Variants in TOPAZ1 observed in about 807,000 individuals in gnomAD.
TOPAZ1 encodes testis and ovary specific TOPAZ 1, also known as protein TOPAZ1.
In TOPAZ1, 66 loss-of-function variants were observed where a neutral mutation model predicts 172.2. The observed-to-expected ratio is 0.38, with a 90% CI of 0.31 to 0.47. The LOEUF (loss-of-function observed/expected upper bound fraction) is 0.47. Among genes scored for constraint, TOPAZ1 ranks in the 20% least tolerant of loss-of-function variants. TOPAZ1 has a pLI of 0.99. For missense variants in TOPAZ1, 1,822 were observed against 1,972.4 expected (o/e 0.92, Z 1.44); for synonymous variants, 681 against 683.9 (o/e 1.00, Z 0.07).
intron 8 of TOPAZ1, among the ~76,000 whole-genome samples, chr3:44,279,099 G>C (rs2125689936): frequency 6.6e-6 from 1 of 152,174 alleles, no homozygotes; most frequent in Non-Finnish European, 1.5e-5. Context: ...GGTCATTCAG[G>C]AGCAGGTTGT....
chr3:44,287,900 CA>C (rs1700096890), intron 11 of TOPAZ1, 61 bp downstream of exon 11: 2 of 797,308 alleles, frequency 2.5e-6, no homozygotes, highest in South Asian at 3.6e-5. Context: ...TAATTGTTTC[CA>C]TGGGGGGGTA....
intron 4 of TOPAZ1, among the ~76,000 whole-genome samples, chr3:44,260,975 C>CT (rs377256274): frequency 9.5e-5 from 11 of 115,562 alleles, no homozygotes; most frequent in Admixed American, 1.8e-4. Context: ...AGATCTGTTT[C>CT]TTTTTTTTTG....
At chr3:44,249,269 G>A (rs1463407158) in intron 2 of TOPAZ1, among the ~76,000 whole-genome samples, 1 of 151,956 alleles carries the variant, frequency 6.6e-6, no homozygotes, top group Admixed American at 6.6e-5. Flanking sequence ...GGACTAATGT[G>A]TTTTAAACAA....
chr3:44,273,279 G>A (rs1699917568), intron 8 of TOPAZ1, among the ~76,000 whole-genome samples: 2 of 152,138 alleles, frequency 1.3e-5, no homozygotes, highest in Admixed American at 1.3e-4. Flanking sequence ...AACAAAGTTA[G>A]CAGGGACACA....
intron 8 of TOPAZ1, among the ~76,000 whole-genome samples, chr3:44,277,385 G>A (rs184138910): frequency 1.1e-3 from 164 of 152,230 alleles, no homozygotes; most frequent in African/African-American, 3.8e-3. Context: ...ACATCTAAGA[G>A]TTTTCTGGTG....
chr3:44,242,364 A>G lies in TOPAZ1; in HGVS notation c.311A>G (p.Lys104Arg). The G allele has an allele frequency of 1.9e-6, 3 of 1,552,412 alleles. No homozygotes were observed. The South Asian group carries it at 3.6e-5, about 18-fold the overall frequency. Residue 104 changes from lysine (K) to arginine (R), a missense_variant, in exon 1 of 20, where the codon AAG becomes AGG. Around this residue, in one of 2 missense-constraint regions of TOPAZ1, gnomAD observed 1,489 missense variants for 1,490.8 expected, o/e 1.00. Coordinates refer to ENST00000309765, the MANE Select transcript of TOPAZ1 (RefSeq NM_001145030.2). ...SSDPRGLEAAKEAELPLQTER... is the reference protein window; with the variant it reads ...SSDPRGLEAAREAELPLQTER... The stretch of plus-strand genomic sequence containing the variant: ...GACCCGCGAGGCCTAGAAGCAGCAA[A>G]GGAGGCTGAACTCCCCTTGCAAACG...
At chr3:44,320,233 A>G (rs751413260) in intron 16 of TOPAZ1, among the ~76,000 whole-genome samples, 2 of 152,152 alleles carry the variant, frequency 1.3e-5, no homozygotes, top group African/African-American at 4.8e-5. Flanking sequence ...CTTTTATAAC[A>G]TATATTATTC....
intron 12 of TOPAZ1, among the ~76,000 whole-genome samples, chr3:44,292,951 G>C (rs920271332): frequency 6.6e-6 from 1 of 152,056 alleles, no homozygotes; most frequent in Non-Finnish European, 1.5e-5. Flanking sequence ...TATACCCTCT[G>C]CCCCTTTCTG....
In TOPAZ1 at chr3:44,256,228, A is replaced by G. The variant is rs1699701754; in HGVS notation, c.2905A>G (p.Thr969Ala). 1 of 1,536,594 alleles carries G rather than the reference A, an allele frequency of 6.5e-7. No individual in the cohort carries two copies. The highest frequency in any genetic ancestry group is 8.7e-7 in the Non-Finnish European group (1 of 1,142,980). Residue 969 changes from threonine to alanine, a missense_variant, in exon 4 of 20, where the codon ACA (threonine) becomes GCA (alanine). Around this residue, in one of 2 missense-constraint regions of TOPAZ1, gnomAD observed 1,489 missense variants for 1,490.8 expected, o/e 1.00. Transcript: ENST00000309765. ...EVANETSENE[T>A]LGDFSEQIKG... ...TGCTAATGAGACCTCTGAAAATGAAACACTGGGAGACTTCAGTGAACAAAT... is the reference window on the plus strand; with the variant it reads ...TGCTAATGAGACCTCTGAAAATGAAGCACTGGGAGACTTCAGTGAACAAAT...
chr3:44,288,119 C>T (rs1465808841), intron 11 of TOPAZ1, among the ~76,000 whole-genome samples: 13 of 152,006 alleles, frequency 8.6e-5, no homozygotes, highest in Admixed American at 7.2e-4. Context: ...ATAAAATTTT[C>T]TTTCTCTAAA....
chr3:44,247,772 C>T (rs924434983), intron 2 of TOPAZ1, among the ~76,000 whole-genome samples: 1 of 152,180 alleles, frequency 6.6e-6, no homozygotes, highest in East Asian at 1.9e-4. Flanking sequence ...GCCCTGGCCT[C>T]CTGAGTAGCA....
intron 16 of TOPAZ1, among the ~76,000 whole-genome samples, chr3:44,312,606 C>G (rs903282147): frequency 1.3e-5 from 2 of 152,234 alleles, no homozygotes; most frequent in Non-Finnish European, 2.9e-5. Context: ...TGGCATTTCA[C>G]TTTGACATTT....
chr3:44,253,454 T>C (rs1285347992), intron 2 of TOPAZ1, among the ~76,000 whole-genome samples: 1 of 152,146 alleles, frequency 6.6e-6, no homozygotes, highest in East Asian at 1.9e-4. Context: ...AAGTGAATAT[T>C]GGTTCATCAG....
intron 14 of TOPAZ1, 32 bp downstream of exon 14, chr3:44,305,353 T>C (rs1054438095): frequency 6.7e-7 from 1 of 1,483,622 alleles, no homozygotes. Flanking sequence ...GAATATTGTG[T>C]ATGAGGATGG....
At chr3:44,253,391 A>G (rs2125679206) in intron 2 of TOPAZ1, among the ~76,000 whole-genome samples, 1 of 152,310 alleles carries the variant, frequency 6.6e-6, no homozygotes, top group African/African-American at 2.4e-5. Flanking sequence ...AATAAGCCAA[A>G]AGAACGTGGT....
intron 8 of TOPAZ1, among the ~76,000 whole-genome samples, chr3:44,272,249 T>C (rs1261742282): frequency 6.6e-6 from 1 of 152,222 alleles, no homozygotes; most frequent in Non-Finnish European, 1.5e-5. Context: ...TCAAATCTTT[T>C]GGGTAAATAC....
chr3:44,296,973 A>G (rs1350826269), intron 12 of TOPAZ1, among the ~76,000 whole-genome samples: 1 of 151,868 alleles, frequency 6.6e-6, no homozygotes, highest in Non-Finnish European at 1.5e-5. Context: ...GGAGTTTAAG[A>G]CCAACCTGAC....
intron 8 of TOPAZ1, among the ~76,000 whole-genome samples, chr3:44,273,672 T>C (rs941966901): frequency 1.3e-5 from 2 of 152,036 alleles, no homozygotes; most frequent in Non-Finnish European, 2.9e-5. Flanking sequence ...AAAACCCAGC[T>C]CAAAGCCACA....
At chr3:44,291,181 T>C (rs1700133223) in intron 12 of TOPAZ1, among the ~76,000 whole-genome samples, 1 of 152,196 alleles carries the variant, frequency 6.6e-6, no homozygotes, top group Admixed American at 6.5e-5. Context: ...TACTCTCTTA[T>C]ATGTGTACAA....
Sources: gnomAD v4.1 joint callset for allele counts (sites outside exome capture counted in the v4.1 genomes callset) on GRCh38, gnomAD v4.1.1 for gene constraint, gnomAD v4.1.1 regional missense constraint, MANE v1.5 for transcripts, NCBI Gene and HGNC (gene_info 2026-07-23, HGNC 2026-07-21) for gene names.